Variants in ZMAT3 observed in about 807,000 individuals in gnomAD.
ZMAT3 encodes the protein zinc finger matrin-type protein 3.
In ZMAT3, 17 loss-of-function variants were observed where a neutral mutation model predicts 32.3. The ratio of observed to expected loss-of-function variants is 0.53; its 90% CI spans 0.36 to 0.79. The LOEUF is 0.79. ZMAT3 is among the 30% of genes least tolerant of loss of function. The pLI is 0.00. For synonymous variants in ZMAT3, 120 were observed against 133.1 expected (o/e 0.90, Z 0.68); for missense variants, 329 against 359.7 (o/e 0.91, Z 0.69).
chr3:179,048,170 C>T (rs141887092), intron 2 of ZMAT3, among the ~76,000 whole-genome samples: 36 of 152,216 alleles, frequency 2.4e-4, no homozygotes, highest in East Asian at 1.3e-3. Context: ...TTACGATAAA[C>T]GACCAAACCT....
Position 179,067,795 on chromosome 3 carries a change from G to C in ZMAT3, c.-43C>G, listed in dbSNP as rs2108592561. The C allele has an allele frequency of 6.3e-7, 1 of 1,597,746 alleles. No homozygotes were observed. Among genetic ancestry groups the C allele is most frequent in the Non-Finnish European group, 8.5e-7 (1 of 1,170,596 alleles). On this transcript the variant is annotated 5_prime_UTR_variant, in exon 2 of 6. Transcript: ENST00000311417. Reference sequence around the variant, plus strand: ...GGCATAATCCAGTGGGTGATGAGAAGCAAGGTCTTCAAATCTGAATCAACA... The same window carrying C: ...GGCATAATCCAGTGGGTGATGAGAACCAAGGTCTTCAAATCTGAATCAACA...
At chr3:179,065,934 A>G (rs1016341234) in intron 2 of ZMAT3, among the ~76,000 whole-genome samples, 6 of 152,196 alleles carry the variant, frequency 3.9e-5, no homozygotes, top group Non-Finnish European at 5.9e-5. Context: ...AAAGATAATT[A>G]TATATGTGTA....
At chr3:179,070,892 T>A (rs1347793887) in intron 1 of ZMAT3, among the ~76,000 whole-genome samples, 1 of 152,154 alleles carries the variant, frequency 6.6e-6, no homozygotes, top group African/African-American at 2.4e-5. Flanking sequence ...CATACTGTGT[T>A]AAAGACAATC....
intron 2 of ZMAT3, among the ~76,000 whole-genome samples, chr3:179,049,529 C>T (rs1031438788): frequency 5.3e-5 from 8 of 152,190 alleles, no homozygotes; most frequent in South Asian, 2.1e-4. Context: ...CAAAACCATG[C>T]GAATACATGG....
chr3:179,067,376 C>T, intron 2 of ZMAT3, 107 bp downstream of exon 2: 1 of 1,182,694 alleles, frequency 8.5e-7, no homozygotes, highest in Non-Finnish European at 1.2e-6. Flanking sequence ...TTCTCTAAGC[C>T]ATCTTGGTAT....
At chr3:179,064,364 AC>A (rs1250365457) in intron 2 of ZMAT3, among the ~76,000 whole-genome samples, 1 of 152,070 alleles carries the variant, frequency 6.6e-6, no homozygotes. Flanking sequence ...ATCCTAAACC[AC>A]TTTATTAGTC....
intron 2 of ZMAT3, among the ~76,000 whole-genome samples, chr3:179,066,030 C>T (rs1179701874): frequency 1.3e-5 from 2 of 152,226 alleles, no homozygotes; most frequent in South Asian, 2.1e-4. Context: ...ACCCTGGCTT[C>T]TTTTTTCAAA....
At chr3:179,044,414 G>A (rs1720117376) in intron 2 of ZMAT3, among the ~76,000 whole-genome samples, 1 of 152,178 alleles carries the variant, frequency 6.6e-6, no homozygotes, top group Non-Finnish European at 1.5e-5. Flanking sequence ...GGAGGTCAAG[G>A]CAGGAGGATC....
Position 179,022,069 on chromosome 3 carries a change from T to A in ZMAT3, c.*2948A>T, listed in dbSNP as rs1718575095. On this transcript the variant is annotated 3_prime_UTR_variant, in exon 6 of 6. Coordinates refer to ENST00000311417, the MANE Select transcript of ZMAT3 (RefSeq NM_022470.4). ...TCCTATAAAACAAACACATAGCTCT[T>A]TTTTAGTGCAAAGAAATATAGCAAG... The A allele has an allele frequency of 6.6e-6, 1 of 152,196 alleles. No individual in the cohort carries two copies. Among genetic ancestry groups the A allele is most frequent in the South Asian group, 2.1e-4 (1 of 4,830 alleles). 9.4% of individuals were successfully genotyped at this position (152,196 alleles called of 1,614,324 possible). A position where few individuals can be genotyped will look rare whatever the true frequency, so the allele number is the denominator to read the frequency against.
chr3:179,024,995 C>A lies in ZMAT3; in HGVS notation c.*22G>T. The A allele has an allele frequency of 6.2e-7, 1 of 1,612,326 alleles. No homozygotes were observed. Among genetic ancestry groups the A allele is most frequent in the East Asian group, 2.2e-5 (1 of 44,868 alleles). ...GGCAAACAACAGGCAGGAAAAGCTG[C>A]TCTATCTTAATATGATAATCACTAT... On this transcript the variant is annotated 3_prime_UTR_variant, in exon 6 of 6. Coordinates refer to ENST00000311417, the MANE Select transcript of ZMAT3 (RefSeq NM_022470.4).
chr3:179,029,055 G>C (rs956604856), intron 3 of ZMAT3, among the ~76,000 whole-genome samples: 6 of 151,992 alleles, frequency 3.9e-5, no homozygotes, highest in African/African-American at 1.4e-4. Flanking sequence ...AGCTACTCAG[G>C]AGGCTGAGGC....
intron 2 of ZMAT3, among the ~76,000 whole-genome samples, chr3:179,044,736 T>C (rs994656080): frequency 6.6e-6 from 1 of 152,162 alleles, no homozygotes; most frequent in Non-Finnish European, 1.5e-5. Context: ...TGCAGGGACA[T>C]GGATGGAGCT....
At chr3:179,062,797 A>T (rs1226920820) in intron 2 of ZMAT3, among the ~76,000 whole-genome samples, 2 of 152,224 alleles carry the variant, frequency 1.3e-5, no homozygotes, top group African/African-American at 4.8e-5. Context: ...CTGGATCTAA[A>T]AGACTATCTC....
chr3:179,036,831 T>C (rs1414554905), intron 2 of ZMAT3, among the ~76,000 whole-genome samples: 1 of 152,128 alleles, frequency 6.6e-6, no homozygotes, highest in African/African-American at 2.4e-5. Flanking sequence ...GTTTAAAGAC[T>C]GAAAACTGAG....
intron 2 of ZMAT3, among the ~76,000 whole-genome samples, chr3:179,055,704 C>A (rs28827517): frequency 6.6e-6 from 1 of 152,134 alleles, no homozygotes; most frequent in Admixed American, 6.5e-5. Flanking sequence ...TCTCAGATAA[C>A]CCTGACGGCT....
rs1560081310 is a variant in ZMAT3, at chr3:179,023,696, C to CATATATATATATATATATATATA, written c.*1320_*1321insTATATATATATATATATATATAT. The CATATATATATATATATATATATA allele has an allele frequency of 3.7e-5, 1 of 27,384 alleles. No individual in the cohort carries two copies. Among genetic ancestry groups the CATATATATATATATATATATATA allele is most frequent in the African/African-American group, 1.7e-4 (1 of 5,978 alleles). The allele number at this position is 27,384 out of a possible 1,614,324, so 1.7% of individuals were successfully genotyped here. On this transcript the variant is annotated 3_prime_UTR_variant, in exon 6 of 6. Coordinates refer to ENST00000311417, the MANE Select transcript of ZMAT3 (RefSeq NM_022470.4). ...TCCTAAAAACTGCTGGAAAATATAT[C>CATATATATATATATATATATATA]TATATATATATATATTTTTTTTTTT...
At position 179,046,370 on chromosome 3, in the gene ZMAT3, G is replaced by C. The variant is rs1720235667; in HGVS notation, c.271-15371C>G. ...TAAGAAAAGTATGCAAATTTGCAGG[G>C]AAAATAGCAGACAGGAGGCAGGACT... On this transcript the variant is annotated intron_variant, in intron 2 of 5. Transcript: ENST00000311417. This position sits in a 1 kb window ranked among gnomAD's most constrained non-coding sequence, Gnocchi z 4.3. 6.6e-6 allele frequency among the ~76,000 whole-genome samples: 1 copy of C among 152,182 alleles called. No individual in the cohort carries two copies. Among genetic ancestry groups the C allele is most frequent in the African/African-American group, 2.4e-5 (1 of 41,432 alleles).
Position 179,031,934 on chromosome 3 carries a change from T to TCCCTCTCCCTCC in ZMAT3, c.271-936_271-935insGGAGGGAGAGGG, listed in dbSNP as rs1560085562. On this transcript the variant is annotated intron_variant, in intron 2 of 5. Coordinates refer to ENST00000311417, the MANE Select transcript of ZMAT3 (RefSeq NM_022470.4). ...ATAAAAAAAAAAAAAACTCTCCCTC[T>TCCCTCTCCCTCC]CCCTCCCCCTCCCCCTCCCCCTCCC... 1.4e-3 allele frequency among the ~76,000 whole-genome samples: 7 copies of TCCCTCTCCCTCC among 5,018 alleles called. 1 individual carries two copies. The highest frequency in any genetic ancestry group is 4.6e-3 in the African/African-American group (4 of 876). 3.3% of individuals were successfully genotyped at this position (5,018 alleles called of 152,430 possible).
intron 3 of ZMAT3, among the ~76,000 whole-genome samples, chr3:179,029,594 C>T (rs1223792932): frequency 6.6e-6 from 1 of 151,990 alleles, no homozygotes; most frequent in Non-Finnish European, 1.5e-5. Flanking sequence ...CTCCCAAGTA[C>T]CTGAGACTAC....
Sources: gnomAD v4.1 joint callset for allele counts (sites outside exome capture counted in the v4.1 genomes callset) on GRCh38, gnomAD v4.1.1 for gene constraint, Gnocchi (gnomAD v3.1) non-coding constraint, MANE v1.5 for transcripts, NCBI Gene and HGNC (gene_info 2026-07-23, HGNC 2026-07-21) for gene names.